NEMP2: variants seen among roughly 807,000 people sequenced by gnomAD.
NEMP2 encodes nuclear envelope integral membrane protein 2, also known as UPF0571 transmembrane protein.
NEMP2 carries 53 observed loss-of-function variants against 54.2 expected under a neutral mutation model. That is an observed-to-expected ratio of 0.98 (90% CI 0.78 to 1.23). The LOEUF is 1.23. NEMP2 is among the 50% of genes most tolerant of loss of function. The probability of loss-of-function intolerance (pLI) is 0.00; values close to 1 mark genes in which losing one functional copy is unlikely to be tolerated. For missense variants in NEMP2, 455 were observed against 511.3 expected, an observed-to-expected ratio of 0.89 and a Z score of 1.06; for synonymous variants, 197 against 190.3, an observed-to-expected ratio of 1.04 and a Z score of -0.29.
chr2:190,606,776 C>T, the NEMP2 span, among the ~76,000 whole-genome samples: 1 of 152,170 alleles, frequency 6.6e-6, no homozygotes. Context: ...CAATCCCAGG[C>T]ATATAATAAT....
chr2:190,533,915 C>T lies in NEMP2; in HGVS notation c.97+644G>A. On this transcript the variant is annotated intron_variant, in intron 1 of 8. Coordinates refer to ENST00000409150, the MANE Select transcript of NEMP2 (RefSeq NM_001142645.2). This position sits in a 1 kb window ranked among gnomAD's most constrained non-coding sequence, Gnocchi z 4.3. Reference sequence around the variant, plus strand: ...CCAGCATCTTAAGCCCACTCCGTGGCGAGCCCCTACAGCTAGCAGCCGCTA... The same window carrying T: ...CCAGCATCTTAAGCCCACTCCGTGGTGAGCCCCTACAGCTAGCAGCCGCTA... 1 of 941,742 alleles carries T rather than the reference C, an allele frequency of 1.1e-6. No individual in the cohort carries two copies. Among genetic ancestry groups the T allele is most frequent in the Non-Finnish European group, 1.3e-6 (1 of 790,218 alleles). The allele number at this position is 941,742 out of a possible 1,614,324, so 58.3% of individuals were successfully genotyped here. A position where few individuals can be genotyped will look rare whatever the true frequency, so the allele number is the denominator to read the frequency against.
the NEMP2 span, among the ~76,000 whole-genome samples, chr2:190,645,841 A>G: frequency 1.3e-5 from 2 of 152,266 alleles, no homozygotes; most frequent in Admixed American, 6.5e-5. Flanking sequence ...TTCATCTTTT[A>G]GAGTGCATGA....
rs1196630365 is a variant in NEMP2, at chr2:190,506,177, A to C, written c.*3012T>G. ...CAAAAAGCAGGGTTCTAAGTCAATA[A>C]GGCTAACAGTCACACCCAAATAGTT... On this transcript the variant is annotated 3_prime_UTR_variant, in exon 9 of 9. Coordinates refer to ENST00000409150, the MANE Select transcript of NEMP2 (RefSeq NM_001142645.2). This position sits in a 1 kb window ranked among gnomAD's most constrained non-coding sequence, Gnocchi z 6.3. The C allele has an allele frequency of 1.3e-5, 2 of 152,240 alleles. No individual in the cohort carries two copies. The highest frequency in any genetic ancestry group is 2.4e-5 in the African/African-American group (1 of 41,452). The allele number at this position is 152,240 out of a possible 1,614,324, so 9.4% of individuals were successfully genotyped here.
rs776209099 is a variant in NEMP2 at position 190,512,759 on chromosome 2, G to A, written c.953+1694C>T. Among the ~76,000 whole-genome samples, 55 of 152,304 alleles carry A rather than the reference G, an allele frequency of 3.6e-4. No individual in the cohort carries two copies. Among genetic ancestry groups the A allele is most frequent in the Non-Finnish European group, 6.3e-4 (43 of 68,020 alleles). ...ACTGACAAAAGACCTCTGGTGTTCC[G>A]AGTCACTGTTTGCCTCGGGCAGATG... On this transcript the variant is annotated intron_variant, in intron 7 of 8. Transcript: ENST00000409150. The surrounding 1 kb of genome is among the most constrained non-coding windows in gnomAD (Gnocchi z 4.5).
At chr2:190,612,152 C>CTTTT in the NEMP2 span, among the ~76,000 whole-genome samples, 4 of 115,788 alleles carry the variant, frequency 3.5e-5, no homozygotes, top group African/African-American at 6.7e-5. Flanking sequence ...AAACATCCCT[C>CTTTT]TTTTTTTTTT....
At chr2:190,431,052 C>T in the NEMP2 span, among the ~76,000 whole-genome samples, 1 of 146,728 alleles carries the variant, frequency 6.8e-6, no homozygotes, top group African/African-American at 2.5e-5. This position sits in a 1 kb window ranked among gnomAD's most constrained non-coding sequence, Gnocchi z 4.4. Context: ...AGAGGCGCTC[C>T]TCACCTCCCA....
the NEMP2 span, among the ~76,000 whole-genome samples, chr2:190,448,194 G>C: frequency 1.3e-5 from 2 of 152,208 alleles, no homozygotes; most frequent in African/African-American, 4.8e-5. Context: ...CAAGAGTAAA[G>C]ATGGTTCCTG....
rs1690902726 is a variant in NEMP2, at chr2:190,525,539, G to A, written c.98-161C>T. 1.3e-5 allele frequency among the ~76,000 whole-genome samples: 2 copies of A among 152,224 alleles called. No individual in the cohort carries two copies. Among genetic ancestry groups the A allele is most frequent in the South Asian group, 4.1e-4 (2 of 4,820 alleles). Reference sequence around the variant, plus strand: ...GTCCTTCAGTGTTTCCAACCAAGGAGGAGACAGATAGAAAATACGATAGCC... The same window carrying A: ...GTCCTTCAGTGTTTCCAACCAAGGAAGAGACAGATAGAAAATACGATAGCC... On this transcript the variant is annotated intron_variant, in intron 1 of 8. Coordinates refer to ENST00000409150, the MANE Select transcript of NEMP2 (RefSeq NM_001142645.2). The surrounding 1 kb of genome is among the most constrained non-coding windows in gnomAD (Gnocchi z 5.0).
the NEMP2 span, among the ~76,000 whole-genome samples, chr2:190,427,788 ATGGCACAATCT>A: frequency 1.3e-5 from 2 of 151,724 alleles, no homozygotes; most frequent in East Asian, 3.9e-4. Context: ...CTAGAGTGCA[ATGGCACAATCT>A]TGGCTCACTG....
chr2:190,516,204 G>A, intron 6 of NEMP2, 66 bp downstream of exon 6: 1 of 1,078,134 alleles, frequency 9.3e-7, no homozygotes, highest in South Asian at 1.7e-5. Context: ...TCTATCAAAA[G>A]AAGGCCTCTA....
At chr2:190,589,768 T>C in the NEMP2 span, among the ~76,000 whole-genome samples, 3 of 152,310 alleles carry the variant, frequency 2.0e-5, no homozygotes, top group Admixed American at 6.5e-5. This position sits in a 1 kb window ranked among gnomAD's most constrained non-coding sequence, Gnocchi z 4.3. Context: ...AATGCTATCC[T>C]TGAAGAACCC....
At chr2:190,472,671 T>C in the NEMP2 span, among the ~76,000 whole-genome samples, 1 of 152,128 alleles carries the variant, frequency 6.6e-6, no homozygotes, top group African/African-American at 2.4e-5. Flanking sequence ...CTGCAGGATA[T>C]TATCCAGGAG....
In NEMP2 at chr2:190,522,165, T is replaced by C. The variant is rs1256056501; in HGVS notation, c.214-2982A>G. On this transcript the variant is annotated intron_variant, in intron 2 of 8. Coordinates refer to ENST00000409150, the MANE Select transcript of NEMP2 (RefSeq NM_001142645.2). The surrounding 1 kb of genome is among the most constrained non-coding windows in gnomAD (Gnocchi z 5.0). ...GCCATATTAATGTTGTAGATACTTA[T>C]AAATAATGATAATAACACAAACATA... Among the ~76,000 whole-genome samples the C allele has an allele frequency of 2.6e-5, 4 of 152,124 alleles. No homozygotes were observed. Among genetic ancestry groups the C allele is most frequent in the South Asian group, 2.1e-4 (1 of 4,832 alleles).
chr2:190,570,684 G>A, the NEMP2 span, among the ~76,000 whole-genome samples: 1 of 152,166 alleles, frequency 6.6e-6, no homozygotes, highest in Non-Finnish European at 1.5e-5. The surrounding 1 kb of genome is among the most constrained non-coding windows in gnomAD (Gnocchi z 5.4). Context: ...TTCCATTTGG[G>A]TCTCCCTAGT....
chr2:190,571,564 A>AATAATAATG, the NEMP2 span, among the ~76,000 whole-genome samples: 1 of 151,646 alleles, frequency 6.6e-6, no homozygotes, highest in Non-Finnish European at 1.5e-5. Flanking sequence ...TAATAATAAT[A>AATAATAATG]ATAATAAACC....
At chr2:190,629,449 A>T in the NEMP2 span, among the ~76,000 whole-genome samples, 2 of 152,230 alleles carry the variant, frequency 1.3e-5, no homozygotes, top group Non-Finnish European at 2.9e-5. Flanking sequence ...AATTCTGCTA[A>T]AATTGAAGCA....
At chr2:190,465,485 A>G in the NEMP2 span, among the ~76,000 whole-genome samples, 1 of 152,126 alleles carries the variant, frequency 6.6e-6, no homozygotes, top group Non-Finnish European at 1.5e-5. This position sits in a 1 kb window ranked among gnomAD's most constrained non-coding sequence, Gnocchi z 4.6. Flanking sequence ...CTGATTATAC[A>G]TCAGTAATCT....
the NEMP2 span, among the ~76,000 whole-genome samples, chr2:190,425,665 A>G: frequency 6.6e-6 from 1 of 152,178 alleles, no homozygotes; most frequent in Non-Finnish European, 1.5e-5. This position sits in a 1 kb window ranked among gnomAD's most constrained non-coding sequence, Gnocchi z 4.3. Context: ...TGACTTTGAA[A>G]TATTGCATCA....
At chr2:190,500,034 A>G, downstream of NEMP2, 1 of 1,614,212 alleles carries the variant, frequency 6.2e-7, no homozygotes, top group African/African-American at 1.3e-5. This position sits in a 1 kb window ranked among gnomAD's most constrained non-coding sequence, Gnocchi z 5.3. Flanking sequence ...GAGAATAGGG[A>G]AAATTCTCCT....
Sources: allele counts gnomAD v4.1 joint callset (sites outside exome capture counted in the v4.1 genomes callset), GRCh38; gene constraint gnomAD v4.1.1; non-coding constraint Gnocchi (gnomAD v3.1); transcripts MANE v1.5; gene names NCBI Gene and HGNC (gene_info 2026-07-23, HGNC 2026-07-21).